Variants in METTL16 observed in about 807,000 individuals in gnomAD.
METTL16 encodes RNA N(6)-adenosine-methyltransferase METTL16.
In METTL16, 19 loss-of-function variants were observed where a neutral mutation model predicts 57.9. The ratio of observed to expected loss-of-function variants is 0.33; its 90% CI spans 0.23 to 0.48. The LOEUF is 0.48. METTL16 is among the 20% of genes least tolerant of loss of function. METTL16 has a pLI of 0.99. For missense variants in METTL16, 434 were observed against 691.5 expected, an observed-to-expected ratio of 0.63 and a Z score of 4.18; for synonymous variants, 246 against 255.6, an observed-to-expected ratio of 0.96 and a Z score of 0.36.
At chr17:2,491,382 C>T (rs1368261684) in intron 2 of METTL16, among the ~76,000 whole-genome samples, 2 of 152,170 alleles carry the variant, frequency 1.3e-5, no homozygotes, top group Non-Finnish European at 1.5e-5. Flanking sequence ...TGAACAGACA[C>T]ATTTCTGTAA....
chr17:2,484,318 T>C (rs1247743734), intron 2 of METTL16, among the ~76,000 whole-genome samples: 1 of 152,106 alleles, frequency 6.6e-6, no homozygotes, highest in Admixed American at 6.5e-5. Flanking sequence ...AAACAACACA[T>C]TAAAAAGTCA....
At chr17:2,497,457 C>A (rs2067454917) in intron 2 of METTL16, among the ~76,000 whole-genome samples, 1 of 150,878 alleles carries the variant, frequency 6.6e-6, no homozygotes, top group Non-Finnish European at 1.5e-5. Context: ...AGATTACAGG[C>A]ATATGCCACC....
chr17:2,492,897 C>CAAAAAAAAAAAAAA (rs56853674), intron 2 of METTL16, among the ~76,000 whole-genome samples: 2 of 75,882 alleles, frequency 2.6e-5, no homozygotes, highest in Admixed American at 3.5e-4. Context: ...GACTCCGTCT[C>CAAAAAAAAAAAAAA]AAAAAAAAAA....
chr17:2,432,467 G>C (rs1418317405), intron 8 of METTL16, among the ~76,000 whole-genome samples: 1 of 152,150 alleles, frequency 6.6e-6, no homozygotes, highest in Non-Finnish European at 1.5e-5. Flanking sequence ...TACTAGGGAG[G>C]CTGACAGGGG....
rs1413258299 is a variant in METTL16 at position 2,427,786 on chromosome 17, G to A, written c.889-6882C>T. The stretch of plus-strand genomic sequence containing the variant: ...ACAGATGGACAACTGATGAAATTAA[G>A]TAAAAACCCACAGATGTGAAGCTGA... On this transcript the variant is annotated intron_variant, in intron 8 of 9. Coordinates refer to ENST00000263092, the MANE Select transcript of METTL16 (RefSeq NM_024086.4). Among the ~76,000 whole-genome samples, 36 of 151,946 alleles carry A rather than the reference G, an allele frequency of 2.4e-4. 1 individual carries two copies. Among genetic ancestry groups the A allele is most frequent in the Admixed American group, 2.4e-3 (36 of 15,214 alleles).
intron 6 of METTL16, among the ~76,000 whole-genome samples, chr17:2,448,790 A>AAT (rs1555617284): frequency 0.019 from 2,076 of 112,170 alleles, 107 homozygotes; most frequent in African/African-American, 0.085. Flanking sequence ...ATAAAAAAAT[A>AAT]AAAATAAAAT....
chr17:2,491,911 TAAAAA>T (rs2067396466), intron 2 of METTL16, among the ~76,000 whole-genome samples: 1 of 116,606 alleles, frequency 8.6e-6, no homozygotes, highest in African/African-American at 3.4e-5. Context: ...TTAAAATAAA[TAAAAA>T]TAAAAACAAA....
chr17:2,507,090 G>A (rs1361150533), intron 1 of METTL16, among the ~76,000 whole-genome samples: 8 of 137,916 alleles, frequency 5.8e-5, no homozygotes, highest in Admixed American at 4.3e-4. Flanking sequence ...TCAGCCCCCC[G>A]CCTGGCCAGC....
intron 6 of METTL16, among the ~76,000 whole-genome samples, chr17:2,443,489 CT>C (rs370199414): frequency 1.7e-3 from 230 of 136,890 alleles, no homozygotes; most frequent in Admixed American, 3.0e-3. Context: ...CATATCATTT[CT>C]TTTTTTTTTT....
intron 8 of METTL16, among the ~76,000 whole-genome samples, chr17:2,433,964 GC>G (rs35687404): frequency 1.1e-4 from 16 of 152,158 alleles, no homozygotes; most frequent in Non-Finnish European, 1.9e-4. Flanking sequence ...ATGCAAATCT[GC>G]TGCAGATCGG....
At chr17:2,502,736 T>C (rs1298815336) in intron 1 of METTL16, among the ~76,000 whole-genome samples, 2 of 151,300 alleles carry the variant, frequency 1.3e-5, no homozygotes, top group African/African-American at 4.8e-5. Context: ...AAGTTAATAG[T>C]TACAGCCAAC....
intron 6 of METTL16, among the ~76,000 whole-genome samples, chr17:2,443,490 T>TG (rs2066968946): frequency 3.7e-5 from 3 of 81,776 alleles, no homozygotes; most frequent in African/African-American, 3.5e-4. Context: ...ATATCATTTC[T>TG]TTTTTTTTTT....
At chr17:2,478,504 C>T (rs547794724) in intron 2 of METTL16, among the ~76,000 whole-genome samples, 1 of 152,304 alleles carries the variant, frequency 6.6e-6, no homozygotes, top group South Asian at 2.1e-4. Context: ...GTATAATTCA[C>T]ATACTATAAA....
chr17:2,440,662 T>C (rs995004462), intron 7 of METTL16, among the ~76,000 whole-genome samples: 5 of 151,856 alleles, frequency 3.3e-5, no homozygotes, highest in African/African-American at 9.7e-5. Context: ...ACTAGAAGAC[T>C]TGGTCCCAAA....
At chr17:2,490,932 GCT>G in intron 2 of METTL16, among the ~76,000 whole-genome samples, 1 of 152,150 alleles carries the variant, frequency 6.6e-6, no homozygotes, top group Non-Finnish European at 1.5e-5. Context: ...AAGACATTAA[GCT>G]GAGGCTAGTT....
intron 8 of METTL16, among the ~76,000 whole-genome samples, chr17:2,432,136 G>A (rs2066877867): frequency 6.6e-6 from 1 of 152,152 alleles, no homozygotes; most frequent in Non-Finnish European, 1.5e-5. Flanking sequence ...AGTAGAGACG[G>A]AGGGAAGGTT....
At chr17:2,447,438 G>A (rs1185967058) in intron 6 of METTL16, among the ~76,000 whole-genome samples, 9 of 139,986 alleles carry the variant, frequency 6.4e-5, no homozygotes, top group African/African-American at 1.5e-4. Context: ...CACCCCGTCC[G>A]GGAGGGAGGT....
intron 2 of METTL16, among the ~76,000 whole-genome samples, chr17:2,484,955 T>C (rs2067330900): frequency 6.6e-6 from 1 of 152,144 alleles, no homozygotes; most frequent in African/African-American, 2.4e-5. Context: ...CCTTATACAA[T>C]TCACAGGCTA....
chr17:2,441,181 T>C (rs1025783819), intron 7 of METTL16, among the ~76,000 whole-genome samples: 2 of 152,160 alleles, frequency 1.3e-5, no homozygotes, highest in Non-Finnish European at 2.9e-5. Context: ...GCCATTATCT[T>C]AAGTGAAACA....
Sources: gnomAD v4.1 joint callset for allele counts (sites outside exome capture counted in the v4.1 genomes callset) on GRCh38, gnomAD v4.1.1 for gene constraint, MANE v1.5 for transcripts, NCBI Gene and HGNC (gene_info 2026-07-23, HGNC 2026-07-21) for gene names.